Variants in EEIG1 observed in about 807,000 individuals in gnomAD.
EEIG1 encodes the protein early estrogen-induced gene 1 protein.
At chr9:127,959,322 A>G in the EEIG1 span, among the ~76,000 whole-genome samples, 1 of 152,274 alleles carries the variant, frequency 6.6e-6, no homozygotes, top group South Asian at 2.1e-4. Flanking sequence ...AGCAATAAAG[A>G]GAAATGATAC....
At chr9:127,962,921 A>C in the EEIG1 span, among the ~76,000 whole-genome samples, 5 of 152,042 alleles carry the variant, frequency 3.3e-5, no homozygotes, top group Non-Finnish European at 5.9e-5. Flanking sequence ...ACCACCACCT[A>C]CTTACCCTAA....
chr9:127,967,233 G>C, the EEIG1 span, among the ~76,000 whole-genome samples: 8 of 152,164 alleles, frequency 5.3e-5, no homozygotes, highest in Non-Finnish European at 1.2e-4. Flanking sequence ...CCCCCCAGCA[G>C]GCAAGCTCTG....
chr9:127,974,219 C>T, the EEIG1 span, among the ~76,000 whole-genome samples: 2 of 152,184 alleles, frequency 1.3e-5, no homozygotes, highest in Admixed American at 1.3e-4. Context: ...CAGTACCTGC[C>T]AGCCAACTCC....
chr9:127,980,618 G>T, the EEIG1 span: 11 of 150,392 alleles, frequency 7.3e-5, no homozygotes, highest in African/African-American at 2.4e-4. Flanking sequence ...CGGGGGAGGT[G>T]CCCTCGCCGC....
the EEIG1 span, chr9:127,953,637 G>A: frequency 2.5e-6 from 4 of 1,613,554 alleles, no homozygotes; most frequent in Non-Finnish European, 2.5e-6. Flanking sequence ...GCAGCAAGTT[G>A]ACTGCAGAAT....
the EEIG1 span, among the ~76,000 whole-genome samples, chr9:127,965,807 G>C: frequency 2.6e-5 from 4 of 152,238 alleles, no homozygotes; most frequent in Non-Finnish European, 5.9e-5. Flanking sequence ...CTGGGGACCA[G>C]CCAAGGCGTC....
the EEIG1 span, among the ~76,000 whole-genome samples, chr9:127,972,066 G>A: frequency 2.6e-5 from 4 of 152,108 alleles, no homozygotes; most frequent in South Asian, 6.2e-4. The surrounding 1 kb of genome is among the most constrained non-coding windows in gnomAD (Gnocchi z 4.3). Context: ...CTCTGCCTCC[G>A]TGGAGGCTGT....
chr9:127,963,842 G>A, the EEIG1 span: 8 of 152,350 alleles, frequency 5.3e-5, no homozygotes, highest in Admixed American at 5.2e-4. Context: ...TTGAGAGGGG[G>A]AGACGGCCAT....
the EEIG1 span, chr9:127,953,185 C>T: frequency 9.3e-6 from 2 of 215,286 alleles, no homozygotes; most frequent in East Asian, 1.2e-4. Flanking sequence ...ACAGAGGGTG[C>T]TCATTTTGCA....
At chr9:127,972,857 G>A in the EEIG1 span, among the ~76,000 whole-genome samples, 7 of 152,158 alleles carry the variant, frequency 4.6e-5, no homozygotes, top group Middle Eastern at 3.2e-3. The surrounding 1 kb of genome is among the most constrained non-coding windows in gnomAD (Gnocchi z 4.3). Flanking sequence ...TGCCACCACA[G>A]CCCTATGCAG....
the EEIG1 span, chr9:127,948,178 G>A: frequency 2.5e-6 from 4 of 1,613,986 alleles, no homozygotes; most frequent in African/African-American, 5.3e-5. Context: ...CAGCTGCAGG[G>A]AGGAATCCTG....
chr9:127,954,961 C>A, the EEIG1 span, among the ~76,000 whole-genome samples: 1 of 152,196 alleles, frequency 6.6e-6, no homozygotes, highest in Non-Finnish European at 1.5e-5. Flanking sequence ...GCTGCGGGGG[C>A]CTTGGCAGGA....
chr9:127,951,685 C>T, the EEIG1 span, among the ~76,000 whole-genome samples: 4 of 151,984 alleles, frequency 2.6e-5, no homozygotes, highest in African/African-American at 7.2e-5. Context: ...GGCGAGGTGG[C>T]GGGCACCTGT....
chr9:127,976,703 T>C, the EEIG1 span, among the ~76,000 whole-genome samples: 1 of 152,166 alleles, frequency 6.6e-6, no homozygotes, highest in Admixed American at 6.5e-5. This position sits in a 1 kb window ranked among gnomAD's most constrained non-coding sequence, Gnocchi z 4.1. Flanking sequence ...AGGCGAGCGG[T>C]GTACCCAGCT....
At chr9:127,979,013 T>TC in the EEIG1 span, among the ~76,000 whole-genome samples, 1 of 148,792 alleles carries the variant, frequency 6.7e-6, no homozygotes, top group Non-Finnish European at 1.5e-5. Context: ...TTAAATCGCG[T>TC]CCCCCCAAAA....
chr9:127,979,766 C>T, the EEIG1 span, among the ~76,000 whole-genome samples: 1 of 152,220 alleles, frequency 6.6e-6, no homozygotes, highest in African/African-American at 2.4e-5. Context: ...CACGCAGGGC[C>T]CCAAGAGAAG....
At chr9:127,945,603 C>A in the EEIG1 span, 1 of 1,563,136 alleles carries the variant, frequency 6.4e-7, no homozygotes, top group Admixed American at 1.9e-5. The surrounding 1 kb of genome is among the most constrained non-coding windows in gnomAD (Gnocchi z 6.5). Flanking sequence ...ATGGGGGATC[C>A]CGAGGAAGGA....
the EEIG1 span, among the ~76,000 whole-genome samples, chr9:127,966,877 G>A: frequency 6.6e-6 from 1 of 152,218 alleles, no homozygotes; most frequent in East Asian, 1.9e-4. Flanking sequence ...GAGGTAACGG[G>A]TGGTCTGTAC....
the EEIG1 span, among the ~76,000 whole-genome samples, chr9:127,978,666 C>T: frequency 6.6e-6 from 1 of 151,950 alleles, no homozygotes; most frequent in African/African-American, 2.4e-5. Context: ...ATGGTAAAAC[C>T]CCATTTCTAC....
Sources: allele counts gnomAD v4.1 joint callset (sites outside exome capture counted in the v4.1 genomes callset), GRCh38; gene constraint gnomAD v4.1.1; non-coding constraint Gnocchi (gnomAD v3.1); transcripts MANE v1.5; gene names NCBI Gene and HGNC (gene_info 2026-07-23, HGNC 2026-07-21).